The following ANKRD31 variants were observed in gnomAD, a reference collection of about 807,000 sequenced individuals.
ANKRD31 encodes ankyrin repeat domain 31.
A neutral mutation model predicts 186.0 loss-of-function variants in ANKRD31; 147 were observed. The observed-to-expected ratio is 0.79, with a 90% confidence interval of 0.69 to 0.91. The LOEUF is 0.91. ANKRD31 is among the 40% of genes least tolerant of loss of function. The probability of loss-of-function intolerance (pLI) is 0.00; values close to 1 mark genes in which losing one functional copy is unlikely to be tolerated. For missense variants in ANKRD31, 1,986 were observed against 2,148.8 expected (o/e 0.92, Z 1.50); for synonymous variants, 673 against 736.4 (o/e 0.91, Z 1.39).
At chr5:75,134,364 C>A (rs12337435) in intron 17 of ANKRD31, among the ~76,000 whole-genome samples, 18 of 152,020 alleles carry the variant, frequency 1.2e-4, no homozygotes, top group Non-Finnish European at 2.2e-4. Flanking sequence ...TACAAACTAC[C>A]ATCAGAGAAT....
chr5:75,144,463 T>C (rs1751285143), intron 14 of ANKRD31, among the ~76,000 whole-genome samples: 3 of 151,942 alleles, frequency 2.0e-5, no homozygotes, highest in Non-Finnish European at 2.9e-5. Flanking sequence ...GAAAGAGTGA[T>C]AGAAATACTG....
At chr5:75,171,378 G>C (rs535940107) in intron 10 of ANKRD31, among the ~76,000 whole-genome samples, 79 of 151,806 alleles carry the variant, frequency 5.2e-4, no homozygotes, top group African/African-American at 1.6e-3. Flanking sequence ...CTGGATCAAA[G>C]AAGAAAGCAT....
intron 2 of ANKRD31, among the ~76,000 whole-genome samples, chr5:75,225,057 T>C (rs1037452068): frequency 2.0e-5 from 3 of 152,212 alleles, no homozygotes; most frequent in Non-Finnish European, 4.4e-5. Context: ...CTAAATCAGA[T>C]ACTTTTTATT....
intron 21 of ANKRD31, among the ~76,000 whole-genome samples, chr5:75,106,323 T>C (rs1206849760): frequency 6.6e-6 from 1 of 152,070 alleles, no homozygotes. Flanking sequence ...AGAGCTGCTG[T>C]TTTAAGGAAA....
intron 17 of ANKRD31, among the ~76,000 whole-genome samples, chr5:75,122,453 A>G (rs1294376728): frequency 6.6e-6 from 1 of 152,024 alleles, no homozygotes; most frequent in Non-Finnish European, 1.5e-5. Flanking sequence ...CCTGACACCA[A>G]AGTCTGACAA....
chr5:75,125,856 A>G (rs1749207593), intron 17 of ANKRD31, among the ~76,000 whole-genome samples: 1 of 152,210 alleles, frequency 6.6e-6, no homozygotes, highest in Non-Finnish European at 1.5e-5. Flanking sequence ...AGGGCCGAAG[A>G]GATTGGCAAA....
At chr5:75,069,021 G>A (rs766321985) in intron 25 of ANKRD31, among the ~76,000 whole-genome samples, 6 of 152,068 alleles carry the variant, frequency 3.9e-5, no homozygotes, top group African/African-American at 7.2e-5. Context: ...GCATACCGCC[G>A]GGCATATAGC....
At chr5:75,141,962 C>T (rs946487358) in intron 15 of ANKRD31, among the ~76,000 whole-genome samples, 1 of 152,118 alleles carries the variant, frequency 6.6e-6, no homozygotes, top group South Asian at 2.1e-4. Flanking sequence ...GTTTGTACAG[C>T]ATTTGACTAA....
chr5:75,224,407 G>T (rs1017119179), intron 2 of ANKRD31, among the ~76,000 whole-genome samples: 2 of 151,488 alleles, frequency 1.3e-5, no homozygotes, highest in African/African-American at 4.9e-5. Flanking sequence ...TAAAGCTAAG[G>T]ATGATAAAAT....
chr5:75,090,775 A>AAT (rs1745864803), intron 23 of ANKRD31, among the ~76,000 whole-genome samples: 1 of 152,224 alleles, frequency 6.6e-6, no homozygotes, highest in Admixed American at 6.5e-5. Flanking sequence ...ATTCATGGAT[A>AAT]AGGACATGTT....
chr5:75,158,811 A>G (rs1752380050), intron 11 of ANKRD31, among the ~76,000 whole-genome samples: 1 of 152,046 alleles, frequency 6.6e-6, no homozygotes, highest in South Asian at 2.1e-4. Context: ...AGAGATAGTG[A>G]GAAGGAGAGA....
intron 1 of ANKRD31, among the ~76,000 whole-genome samples, chr5:75,232,256 G>C (rs1369581353): frequency 6.6e-6 from 1 of 151,936 alleles, no homozygotes; most frequent in Non-Finnish European, 1.5e-5. Flanking sequence ...ATGTTGTGAG[G>C]TTTTTTGTTT....
chr5:75,217,968 G>A (rs1034236001), intron 3 of ANKRD31, among the ~76,000 whole-genome samples: 4 of 151,986 alleles, frequency 2.6e-5, no homozygotes, highest in African/African-American at 9.7e-5. Flanking sequence ...TGAATTCCCT[G>A]AGCATTTGCT....
chr5:75,074,728 AT>A (rs111896708), intron 25 of ANKRD31, among the ~76,000 whole-genome samples: 30 of 151,942 alleles, frequency 2.0e-4, no homozygotes, highest in East Asian at 5.8e-4. Flanking sequence ...AAAATAAAAG[AT>A]TTTTTTTTAA....
intron 23 of ANKRD31, among the ~76,000 whole-genome samples, chr5:75,085,807 G>C (rs570933714): frequency 1.3e-5 from 2 of 152,342 alleles, no homozygotes; most frequent in Admixed American, 6.5e-5. Context: ...GATTAAAAGA[G>C]ATAATGCATG....
chr5:75,102,908 G>A (rs1021082704), intron 22 of ANKRD31, among the ~76,000 whole-genome samples: 3 of 151,976 alleles, frequency 2.0e-5, no homozygotes, highest in Admixed American at 6.6e-5. Context: ...ACCCTGTTTC[G>A]GCTCACACTC....
chr5:75,181,332 C>T (rs1485451440), intron 10 of ANKRD31, among the ~76,000 whole-genome samples: 7 of 152,040 alleles, frequency 4.6e-5, no homozygotes, highest in Non-Finnish European at 2.9e-5. Context: ...TGTGGCGATT[C>T]CTCAGGGATC....
At chr5:75,236,556 A>T (rs538378614) in intron 1 of ANKRD31, 27 bp downstream of exon 1, 12 of 1,532,116 alleles carry the variant, frequency 7.8e-6, no homozygotes, top group South Asian at 1.2e-5. Flanking sequence ...GCGAGGGTTC[A>T]GGCACTGTGG....
At chr5:75,190,850 T>C (rs997138950) in intron 9 of ANKRD31, among the ~76,000 whole-genome samples, 2 of 152,138 alleles carry the variant, frequency 1.3e-5, no homozygotes, top group African/African-American at 2.4e-5. Context: ...CCCTGTTCTT[T>C]ATCCTTACTG....
Sources: gnomAD v4.1 joint callset for allele counts (sites outside exome capture counted in the v4.1 genomes callset) on GRCh38, gnomAD v4.1.1 for gene constraint, MANE v1.5 for transcripts, NCBI Gene and HGNC (gene_info 2026-07-23, HGNC 2026-07-21) for gene names.